The following TNNI3K variants were observed in gnomAD, a reference collection of about 807,000 sequenced individuals.
TNNI3K encodes the protein serine/threonine-protein kinase TNNI3K.
A neutral mutation model predicts 114.5 loss-of-function variants in TNNI3K; 140 were observed. That is an observed-to-expected ratio of 1.22 (90% CI 1.07 to 1.41). The LOEUF (loss-of-function observed/expected upper bound fraction) is 1.41, where lower values mean the gene tolerates loss of function less well. TNNI3K is among the 40% of genes most tolerant of loss of function. The pLI is 0.00. For synonymous variants in TNNI3K, 347 were observed against 347.5 expected, an observed-to-expected ratio of 1.00 and a Z score of 0.02; for missense variants, 1,125 against 1,007.6, an observed-to-expected ratio of 1.12 and a Z score of -1.58.
chr1:74,351,642 A>T lies in TNNI3K; in HGVS notation c.933-1624A>T, dbSNP rs529337815. Among the ~76,000 whole-genome samples the T allele has an allele frequency of 7.9e-5, 12 of 152,088 alleles. No individual in the cohort carries two copies. The Middle Eastern group carries it at 0.01, about 129-fold the overall frequency. The stretch of plus-strand genomic sequence containing the variant: ...ATTTGGTCTTTTCACATAGTCCCAT[A>T]TTTCTTGGAGGCTTTGTTCATTTCT... On this transcript the variant is annotated intron_variant, in intron 9 of 24. Coordinates refer to ENST00000326637, the MANE Select transcript of TNNI3K (RefSeq NM_015978.3).
chr1:74,251,693 CT>C (rs1203808229), intron 4 of TNNI3K, among the ~76,000 whole-genome samples: 1 of 152,106 alleles, frequency 6.6e-6, no homozygotes, highest in Non-Finnish European at 1.5e-5. Context: ...GGAGGGACAA[CT>C]TTTTGCTTGT....
At chr1:74,512,869 C>T (rs1570725298) in intron 23 of TNNI3K, among the ~76,000 whole-genome samples, 1 of 152,340 alleles carries the variant, frequency 6.6e-6, no homozygotes, top group East Asian at 1.9e-4. Flanking sequence ...AGGAAAACTT[C>T]TCTGTTAACA....
intron 5 of TNNI3K, among the ~76,000 whole-genome samples, chr1:74,309,878 A>G (rs1176183731): frequency 6.6e-6 from 1 of 152,148 alleles, no homozygotes; most frequent in Non-Finnish European, 1.5e-5. Context: ...AGTTGGAAAC[A>G]TTTTCCCCAA....
chr1:74,347,588 A>G (rs187645945), intron 9 of TNNI3K, among the ~76,000 whole-genome samples: 2 of 152,290 alleles, frequency 1.3e-5, no homozygotes, highest in East Asian at 1.9e-4. Flanking sequence ...CGACTTCCAC[A>G]ATGGTTGAAC....
At chr1:74,449,379 G>C (rs965695358) in intron 20 of TNNI3K, among the ~76,000 whole-genome samples, 1 of 150,826 alleles carries the variant, frequency 6.6e-6, no homozygotes, top group Non-Finnish European at 1.5e-5. Flanking sequence ...TCTTGCTAGC[G>C]GTCTATCAAT....
chr1:74,454,877 G>A (rs1356680639), intron 20 of TNNI3K, among the ~76,000 whole-genome samples: 3 of 152,034 alleles, frequency 2.0e-5, no homozygotes, highest in Non-Finnish European at 4.4e-5. Flanking sequence ...ATCCTCACAA[G>A]CATTCATTTA....
chr1:74,486,623 G>A (rs1389934181), intron 21 of TNNI3K, among the ~76,000 whole-genome samples: 1 of 151,330 alleles, frequency 6.6e-6, no homozygotes, highest in African/African-American at 2.4e-5. Flanking sequence ...GAAAGTACTG[G>A]GCTAGAGATA....
chr1:74,475,480 G>T (rs1350480058), intron 21 of TNNI3K: 6 of 716,910 alleles, frequency 8.4e-6, no homozygotes. Flanking sequence ...GCAAAATAAA[G>T]TGCTGCCTAC....
At chr1:74,507,257 A>G (rs887732900) in intron 23 of TNNI3K, among the ~76,000 whole-genome samples, 1 of 136,978 alleles carries the variant, frequency 7.3e-6, no homozygotes, top group African/African-American at 2.6e-5. Flanking sequence ...AAAAATACAT[A>G]AAGGATTCAA....
At chr1:74,497,633 C>T (rs1352263125) in intron 23 of TNNI3K, among the ~76,000 whole-genome samples, 3 of 151,668 alleles carry the variant, frequency 2.0e-5, no homozygotes, top group Non-Finnish European at 4.4e-5. Flanking sequence ...TCCACACACA[C>T]AATTGAACCC....
intron 17 of TNNI3K, among the ~76,000 whole-genome samples, chr1:74,425,700 A>G (rs1301433591): frequency 3.3e-5 from 5 of 152,136 alleles, no homozygotes; most frequent in Non-Finnish European, 7.4e-5. Context: ...AGAAGAAATA[A>G]TCGAGCAGCG....
chr1:74,526,916 A>G (rs1439542215), intron 23 of TNNI3K, among the ~76,000 whole-genome samples: 1 of 152,236 alleles, frequency 6.6e-6, no homozygotes, highest in Non-Finnish European at 1.5e-5. Flanking sequence ...ATTTGTTTAC[A>G]TATTATCTAT....
At chr1:74,385,778 T>C (rs2100557330) in intron 17 of TNNI3K, among the ~76,000 whole-genome samples, 1 of 152,282 alleles carries the variant, frequency 6.6e-6, no homozygotes, top group South Asian at 2.1e-4. Context: ...TACTTTCTAT[T>C]CTTGTAGGTT....
At chr1:74,525,906 A>G (rs184336004) in intron 23 of TNNI3K, among the ~76,000 whole-genome samples, 13 of 152,340 alleles carry the variant, frequency 8.5e-5, no homozygotes, top group Non-Finnish European at 1.3e-4. Flanking sequence ...GAGGTTTTCA[A>G]TGAGAGCAAG....
chr1:74,475,344 A>C (rs1262814787), intron 21 of TNNI3K: 1 of 711,784 alleles, frequency 1.4e-6, no homozygotes, highest in Admixed American at 2.1e-5. Context: ...GGACTTCTCC[A>C]GGCTCAAGAT....
chr1:74,387,025 G>C (rs1663519199), intron 17 of TNNI3K, among the ~76,000 whole-genome samples: 1 of 152,102 alleles, frequency 6.6e-6, no homozygotes, highest in Admixed American at 6.5e-5. Flanking sequence ...CTATAGACAG[G>C]CTACACAGTA....
chr1:74,329,095 T>C (rs758651045), intron 5 of TNNI3K, among the ~76,000 whole-genome samples: 40 of 152,102 alleles, frequency 2.6e-4, no homozygotes, highest in Admixed American at 1.3e-4. Flanking sequence ...CTTTATTTAC[T>C]TAAAGGTTAG....
chr1:74,527,775 A>G (rs1344272692), intron 23 of TNNI3K, among the ~76,000 whole-genome samples: 1 of 152,234 alleles, frequency 6.6e-6, no homozygotes, highest in East Asian at 1.9e-4. Context: ...CCTTCCCTTC[A>G]TGAATGATTT....
chr1:74,507,196 C>G (rs1316540514), intron 23 of TNNI3K, among the ~76,000 whole-genome samples: 2 of 150,164 alleles, frequency 1.3e-5, no homozygotes, highest in Admixed American at 1.3e-4. Flanking sequence ...AAATATCACA[C>G]ATGATGAGCA....
Sources: gnomAD v4.1 joint callset for allele counts (sites outside exome capture counted in the v4.1 genomes callset) on GRCh38, gnomAD v4.1.1 for gene constraint, MANE v1.5 for transcripts, NCBI Gene and HGNC (gene_info 2026-07-23, HGNC 2026-07-21) for gene names.